COLEC10: variants seen among roughly 807,000 people sequenced by gnomAD.
The protein encoded by COLEC10 is collectin subfamily member 10.
In COLEC10, 22 loss-of-function variants were observed where a neutral mutation model predicts 28.4. The ratio of observed to expected loss-of-function variants is 0.78; its 90% CI spans 0.55 to 1.11. The LOEUF is 1.11. COLEC10 is among the 50% of genes least tolerant of loss of function. The pLI is 0.00. For synonymous variants in COLEC10, 125 were observed against 116.1 expected (o/e 1.08, Z -0.49); for missense variants, 361 against 344.1 (o/e 1.05, Z -0.39).
At chr8:119,028,046 C>T (rs77138422) in intron 2 of COLEC10, among the ~76,000 whole-genome samples, 6,672 of 152,194 alleles carry the variant, frequency 0.044, 212 homozygotes, top group East Asian at 0.16. Flanking sequence ...AGAGAATGCA[C>T]TCAAAATTCA....
chr8:119,076,262 CTTTT>C (rs71296909), intron 1 of COLEC10, among the ~76,000 whole-genome samples: 73 of 138,496 alleles, frequency 5.3e-4, no homozygotes, highest in East Asian at 6.5e-4. Flanking sequence ...ACACAAAATT[CTTTT>C]TTTTTTTTTT....
At chr8:119,084,340 C>T (rs538132471) in intron 1 of COLEC10, among the ~76,000 whole-genome samples, 59 of 152,310 alleles carry the variant, frequency 3.9e-4, no homozygotes, top group South Asian at 1.0e-3. Context: ...TTCATCAATA[C>T]GTCATCCCAC....
the COLEC10 span, among the ~76,000 whole-genome samples, chr8:118,973,126 A>G: frequency 6.6e-6 from 1 of 151,982 alleles, no homozygotes; most frequent in African/African-American, 2.4e-5. Context: ...CAGCAAAACC[A>G]TATCACCAGG....
At chr8:118,988,179 G>C in the COLEC10 span, among the ~76,000 whole-genome samples, 1 of 152,118 alleles carries the variant, frequency 6.6e-6, no homozygotes, top group Admixed American at 6.6e-5. Flanking sequence ...GAAACTATTA[G>C]GGACCCCAAT....
At chr8:119,104,959 T>C (rs1173067680) in intron 5 of COLEC10, among the ~76,000 whole-genome samples, 1 of 152,272 alleles carries the variant, frequency 6.6e-6, no homozygotes, top group East Asian at 1.9e-4. Flanking sequence ...TGCCATATTA[T>C]GAGAGAAGGG....
intron 4 of COLEC10, chr8:119,102,616 T>C: frequency 2.2e-6 from 1 of 461,174 alleles, no homozygotes; most frequent in Non-Finnish European, 3.8e-6. Flanking sequence ...GTTTCATCCC[T>C]GCCATGCTTA....
intron 3 of COLEC10, 95 bp from the exon 4 acceptor site, chr8:119,102,253 T>C (rs563411029): frequency 5.0e-6 from 2 of 400,264 alleles, no homozygotes; most frequent in East Asian, 2.1e-4. Flanking sequence ...CTTCCTTCTT[T>C]TCCTTCCTTC....
At chr8:119,028,377 C>T (rs983470720) in intron 2 of COLEC10, among the ~76,000 whole-genome samples, 3 of 151,998 alleles carry the variant, frequency 2.0e-5, no homozygotes, top group Non-Finnish European at 4.4e-5. Context: ...AAGACATACC[C>T]GAGACTGGGA....
At chr8:119,028,804 A>C (rs1352968651) in intron 2 of COLEC10, among the ~76,000 whole-genome samples, 1 of 152,176 alleles carries the variant, frequency 6.6e-6, no homozygotes, top group African/African-American at 2.4e-5. Flanking sequence ...GGTAAACATT[A>C]TTTTCCCTTG....
the COLEC10 span, among the ~76,000 whole-genome samples, chr8:118,954,492 C>T: frequency 6.6e-6 from 1 of 152,162 alleles, no homozygotes; most frequent in Admixed American, 6.5e-5. Flanking sequence ...AGACTGAACC[C>T]AAAAGGGGAC....
intron 3 of COLEC10, among the ~76,000 whole-genome samples, chr8:119,098,200 A>G (rs1339969411): frequency 6.6e-6 from 1 of 152,074 alleles, no homozygotes; most frequent in Non-Finnish European, 1.5e-5. Flanking sequence ...TAGAAGAGTT[A>G]AAGCTAAGGA....
At position 119,024,329 on chromosome 8, in the gene COLEC10, G is replaced by A. The variant is rs564757393; in HGVS notation, n.235+14776G>A. ...AAGTGGAATAAAATAGGAAAAAAAC[G>A]TACTTTAAAATTATTTTTAGAGATT... On this transcript the variant is annotated intron_variant and non_coding_transcript_variant, in intron 2 of 6. Coordinates refer to the COLEC10 transcript ENST00000521788. 1.4e-4 allele frequency among the ~76,000 whole-genome samples: 21 copies of A among 152,170 alleles called. No individual in the cohort carries two copies. The East Asian group carries it at 3.3e-3, about 24-fold the overall frequency.
At chr8:119,026,951 GAA>G (rs2130119262) in intron 2 of COLEC10, among the ~76,000 whole-genome samples, 1 of 152,318 alleles carries the variant, frequency 6.6e-6, no homozygotes, top group East Asian at 1.9e-4. Context: ...GCTGGGGGCT[GAA>G]GGCAGGAGCA....
At chr8:119,000,192 A>G (rs140437803) in intron 1 of COLEC10, among the ~76,000 whole-genome samples, 111 of 152,282 alleles carry the variant, frequency 7.3e-4, no homozygotes, top group African/African-American at 2.7e-3. Flanking sequence ...AGCATAGAAG[A>G]TGAGGTCATT....
chr8:118,985,998 G>T, the COLEC10 span, among the ~76,000 whole-genome samples: 3 of 152,100 alleles, frequency 2.0e-5, no homozygotes, highest in Admixed American at 1.3e-4. Flanking sequence ...GAGCCAGAGT[G>T]CAGTAAACAA....
chr8:119,079,974 A>G (rs1358862250), intron 1 of COLEC10, among the ~76,000 whole-genome samples: 1 of 152,148 alleles, frequency 6.6e-6, no homozygotes, highest in African/African-American at 2.4e-5. Context: ...ATTTCCTTAC[A>G]TATTGTGTTT....
chr8:118,985,110 T>G, the COLEC10 span, among the ~76,000 whole-genome samples: 14 of 152,014 alleles, frequency 9.2e-5, no homozygotes, highest in African/African-American at 3.1e-4. Flanking sequence ...GGAGAATAGT[T>G]CCCTGTACCC....
At chr8:119,074,169 G>C (rs1396642907) in intron 1 of COLEC10, among the ~76,000 whole-genome samples, 1 of 151,970 alleles carries the variant, frequency 6.6e-6, no homozygotes, top group Non-Finnish European at 1.5e-5. Flanking sequence ...GGGGGACCTA[G>C]AGACAATTAA....
intron 2 of COLEC10, among the ~76,000 whole-genome samples, chr8:119,034,542 C>G (rs1739478685): frequency 6.6e-6 from 1 of 152,088 alleles, no homozygotes; most frequent in African/African-American, 2.4e-5. Context: ...GAAACCTCAT[C>G]TCTACTAAAA....
Sources: gnomAD v4.1 joint callset for allele counts (sites outside exome capture counted in the v4.1 genomes callset) on GRCh38, gnomAD v4.1.1 for gene constraint, MANE v1.5 for transcripts, NCBI Gene and HGNC (gene_info 2026-07-23, HGNC 2026-07-21) for gene names.